IPO5: variants seen among roughly 807,000 people sequenced by gnomAD.
The protein encoded by IPO5 is importin 5, also known as importin-5.
A neutral mutation model predicts 143.3 loss-of-function variants in IPO5; 18 were observed. The observed-to-expected ratio is 0.13, with a 90% confidence interval of 0.09 to 0.19. The LOEUF is 0.19. Among genes scored for constraint, IPO5 ranks in the 10% least tolerant of loss-of-function variants. The probability of loss-of-function intolerance (pLI) is 1.00; values close to 1 mark genes in which losing one functional copy is unlikely to be tolerated. For synonymous variants in IPO5, 477 were observed against 465.7 expected, an observed-to-expected ratio of 1.02 and a Z score of -0.31; for missense variants, 1,013 against 1,336.9, an observed-to-expected ratio of 0.76 and a Z score of 3.78.
intron 16 of IPO5, among the ~76,000 whole-genome samples, chr13:98,004,188 T>G (rs1349962238): frequency 6.6e-6 from 1 of 152,222 alleles, no homozygotes; most frequent in Non-Finnish European, 1.5e-5. Context: ...CTATAAAAGT[T>G]TCTAATGCCC....
intron 22 of IPO5, among the ~76,000 whole-genome samples, chr13:98,014,663 A>G (rs1029193372): frequency 3.3e-5 from 5 of 152,150 alleles, no homozygotes; most frequent in African/African-American, 9.7e-5. Flanking sequence ...TTGCCTTGGA[A>G]GGGCAGTATA....
intron 4 of IPO5, chr13:97,981,394 A>G (rs1165484746): frequency 1.6e-4 from 59 of 364,824 alleles, no homozygotes; most frequent in Non-Finnish European, 7.9e-5. Context: ...ATTGTCTATG[A>G]TCTTAGGCAA....
At position 97,976,033 on chromosome 13, in the gene IPO5, TG is replaced by T. The variant is rs1198856268; in HGVS notation, c.-4-655del. The T allele has an allele frequency of 5.8e-6, 5 of 866,988 alleles. No individual in the cohort carries two copies. In the African/African-American group the frequency reaches 7.4e-5, roughly 13 times the overall value. 53.7% of individuals were successfully genotyped at this position (866,988 alleles called of 1,614,324 possible). ...AGTGGGTCTAAAGGGACTGCCTTCC[TG>T]GGGGTGGGTGAAGGGCTGGATCCCA... On this transcript the variant is annotated intron_variant, in intron 3 of 28. Transcript: ENST00000651721.
At position 97,976,719 on chromosome 13, in the gene IPO5, A is replaced by C. The variant is rs766125750; in HGVS notation, c.23A>C (p.Gln8Pro). The change falls in exon 4 of 29, where the codon CAG becomes CCG. Residue 8 changes from glutamine (Q) to proline (P), a missense_variant. Physicochemically the swap from Gln to Pro is moderately conservative, Grantham distance 76. Around this residue, in one of 2 missense-constraint regions of IPO5, gnomAD observed 328 missense variants for 342.0 expected, o/e 0.96. Coordinates refer to ENST00000651721, the MANE Select transcript of IPO5 (RefSeq NM_002271.6). Reference protein sequence around the residue: MAAAAAEQQQFYLLLGNL... With the variant: MAAAAAEPQQFYLLLGNL... ...GCAATGGCGGCGGCCGCGGCGGAGC[A>C]GCAACAGTTCTACCTGCTCCTGGGA... The C allele has an allele frequency of 7.2e-7, 1 of 1,394,624 alleles. No individual in the cohort carries two copies. The highest frequency in any genetic ancestry group is 1.2e-5 in the South Asian group (1 of 82,598). The allele number at this position is 1,394,624 out of a possible 1,614,324, so 86.4% of individuals were successfully genotyped here.
At chr13:97,978,476 GC>G (rs1886573083) in intron 4 of IPO5, among the ~76,000 whole-genome samples, 1 of 151,980 alleles carries the variant, frequency 6.6e-6, no homozygotes, top group Non-Finnish European at 1.5e-5. Flanking sequence ...TGCATACTTT[GC>G]CAGGTTTGCT....
intron 11 of IPO5, among the ~76,000 whole-genome samples, 180 bp from the exon 12 acceptor site, chr13:97,997,351 G>A (rs186687265): frequency 3.1e-4 from 47 of 152,192 alleles, no homozygotes; most frequent in Non-Finnish European, 5.9e-4. Context: ...TTAAAGAAAC[G>A]ATAAAAGCAA....
intron 16 of IPO5, among the ~76,000 whole-genome samples, 200 bp from the exon 17 acceptor site, chr13:98,005,926 GAAAA>G (rs920999679): frequency 6.7e-6 from 1 of 148,776 alleles, no homozygotes; most frequent in African/African-American, 2.5e-5. Context: ...ATAGAAGAGA[GAAAA>G]AAAAAATCTC....
At position 98,021,971 on chromosome 13, in the gene IPO5, G is replaced by A. The variant is rs536652939; in HGVS notation, c.*149G>A. ...GAGAGCCACAAGCAGGAAGAGCAGCGCTGTGTTGCAGAATGGAGTTTCCAT... is the reference window on the plus strand; with the variant it reads ...GAGAGCCACAAGCAGGAAGAGCAGCACTGTGTTGCAGAATGGAGTTTCCAT... On this transcript the variant is annotated 3_prime_UTR_variant, in exon 29 of 29. Coordinates refer to ENST00000651721, the MANE Select transcript of IPO5 (RefSeq NM_002271.6). 1.5e-5 allele frequency: 7 copies of A among 453,742 alleles called. No homozygotes were observed. Among genetic ancestry groups the A allele is most frequent in the South Asian group, 1.3e-4 (2 of 15,182 alleles). The allele number at this position is 453,742 out of a possible 1,614,324, so 28.1% of individuals were successfully genotyped here.
chr13:98,009,104 C>T (rs751440332), intron 18 of IPO5, among the ~76,000 whole-genome samples: 3 of 152,144 alleles, frequency 2.0e-5, no homozygotes, highest in Non-Finnish European at 4.4e-5. Flanking sequence ...GTGTTGCTCA[C>T]CTTTGTATCA....
intron 11 of IPO5, 142 bp from the exon 12 acceptor site, chr13:97,997,389 C>A (rs796784590): frequency 5.6e-5 from 24 of 431,774 alleles, no homozygotes; most frequent in African/African-American, 4.1e-4. Context: ...TTTAACAAAC[C>A]AGGTTTTGGG....
At chr13:97,955,319 C>T (rs1784879433) in intron 2 of IPO5, among the ~76,000 whole-genome samples, 1 of 152,148 alleles carries the variant, frequency 6.6e-6, no homozygotes. Context: ...GCTGTCTTCT[C>T]TGTGCTGAGT....
chr13:98,009,563 G>T (rs1401492159), intron 18 of IPO5, among the ~76,000 whole-genome samples: 1 of 152,130 alleles, frequency 6.6e-6, no homozygotes, highest in Non-Finnish European at 1.5e-5. Flanking sequence ...TTTTGTTTAG[G>T]TGATTAGTTT....
At chr13:98,003,617 AG>A in intron 16 of IPO5, among the ~76,000 whole-genome samples, 1 of 152,268 alleles carries the variant, frequency 6.6e-6, no homozygotes, top group East Asian at 1.9e-4. Flanking sequence ...TGGGAGGCTG[AG>A]GCAGGTGGAT....
chr13:97,994,134 C>T (rs1888039409), intron 11 of IPO5, among the ~76,000 whole-genome samples: 2 of 152,100 alleles, frequency 1.3e-5, no homozygotes, highest in South Asian at 4.2e-4. Flanking sequence ...TGCTAAAACC[C>T]CGTTTCTACT....
intron 20 of IPO5, 47 bp from the exon 21 acceptor site, chr13:98,012,199 T>G: frequency 8.9e-7 from 1 of 1,124,500 alleles, no homozygotes; most frequent in Non-Finnish European, 1.4e-6. Flanking sequence ...TATTAATGCT[T>G]GAAGACTAAC....
intron 20 of IPO5, among the ~76,000 whole-genome samples, chr13:98,011,120 C>G (rs1889676533): frequency 6.6e-6 from 1 of 152,074 alleles, no homozygotes; most frequent in Non-Finnish European, 1.5e-5. Context: ...TTCTTATTGT[C>G]ATCTTCAATA....
At chr13:98,009,117 C>T (rs961719611) in intron 18 of IPO5, among the ~76,000 whole-genome samples, 1 of 152,176 alleles carries the variant, frequency 6.6e-6, no homozygotes, top group Non-Finnish European at 1.5e-5. Flanking sequence ...TTGTATCAGC[C>T]AGCATATAGT....
At chr13:98,014,010 AAC>A (rs1224155486) in intron 21 of IPO5, 30 bp from the exon 22 acceptor site, 3 of 1,582,804 alleles carry the variant, frequency 1.9e-6, no homozygotes, top group Non-Finnish European at 2.6e-6. Flanking sequence ...CAAAATAATA[AAC>A]AGTCTTTTGA....
intron 12 of IPO5, among the ~76,000 whole-genome samples, chr13:97,998,545 C>G (rs1888493719): frequency 6.6e-6 from 1 of 152,068 alleles, no homozygotes; most frequent in Non-Finnish European, 1.5e-5. Flanking sequence ...TAGAGTATTA[C>G]TATTGTACTT....
Sources: gnomAD v4.1 joint callset for allele counts (sites outside exome capture counted in the v4.1 genomes callset) on GRCh38, gnomAD v4.1.1 for gene constraint, gnomAD v4.1.1 regional missense constraint, MANE v1.5 for transcripts, NCBI Gene and HGNC (gene_info 2026-07-23, HGNC 2026-07-21) for gene names.